CEP112: variants seen among roughly 807,000 people sequenced by gnomAD.
CEP112 encodes centrosomal protein 112.
A neutral mutation model predicts 153.0 loss-of-function variants in CEP112; 127 were observed. That is an observed-to-expected ratio of 0.83 (90% confidence interval 0.72 to 0.96). The LOEUF (loss-of-function observed/expected upper bound fraction) is 0.96. Ranked by LOEUF, CEP112 falls within the 40% of genes least tolerant of loss-of-function variation. CEP112 has a pLI of 0.00. For missense variants in CEP112, 1,089 were observed against 1,101.2 expected (o/e 0.99, Z 0.16); for synonymous variants, 358 against 374.4 (o/e 0.96, Z 0.51).
At chr17:66,113,860 T>C (rs1334654578) in intron 6 of CEP112, among the ~76,000 whole-genome samples, 1 of 152,208 alleles carries the variant, frequency 6.6e-6, no homozygotes, top group Non-Finnish European at 1.5e-5. Context: ...AAGCAATCTA[T>C]TTTCTGATTT....
rs1266508079 is a variant in CEP112, at chr17:66,192,022, C to G, written c.-34G>C. ...CTGGCACCACCACACGCAAGCTTTCCGCTCGGCCGCTGCCGCCAACGCCGC... is the reference window on the plus strand; with the variant it reads ...CTGGCACCACCACACGCAAGCTTTCGGCTCGGCCGCTGCCGCCAACGCCGC... On this transcript the variant is annotated 5_prime_UTR_variant, in exon 1 of 27. Coordinates refer to ENST00000535342, the MANE Select transcript of CEP112 (RefSeq NM_001199165.4). 1 of 154,256 alleles carries G rather than the reference C, an allele frequency of 6.5e-6. No homozygotes were observed. The highest frequency in any genetic ancestry group is 2.4e-5 in the African/African-American group (1 of 41,388). The allele number at this position is 154,256 out of a possible 1,614,324, so 9.6% of individuals were successfully genotyped here.
chr17:65,663,936 C>G (rs897311588), intron 24 of CEP112, among the ~76,000 whole-genome samples: 10 of 152,184 alleles, frequency 6.6e-5, no homozygotes, highest in Admixed American at 3.3e-4. Context: ...GTCCCAGCTA[C>G]TCGGCAGGCT....
intron 21 of CEP112, among the ~76,000 whole-genome samples, chr17:65,846,376 T>C (rs1311447048): frequency 6.6e-6 from 1 of 152,226 alleles, no homozygotes; most frequent in Non-Finnish European, 1.5e-5. Flanking sequence ...TTTAACTTAT[T>C]AAGTGATATG....
At position 65,970,429 on chromosome 17, in the gene CEP112, T is replaced by TCATGCATGTATATTACATGCAC. The variant is rs1568314167; in HGVS notation, c.1737-8832_1737-8831insGTGCATGTAATATACATGCATG. Among the ~76,000 whole-genome samples, 15 of 104,206 alleles carry TCATGCATGTATATTACATGCAC rather than the reference T, an allele frequency of 1.4e-4. 1 individual carries two copies. Among genetic ancestry groups the TCATGCATGTATATTACATGCAC allele is most frequent in the African/African-American group, 4.5e-4 (13 of 29,076 alleles). The allele number at this position is 104,206 out of a possible 152,430, so 68.4% of individuals were successfully genotyped here. On this transcript the variant is annotated intron_variant, in intron 17 of 26. Transcript: ENST00000535342. ...ACATCATGCATGTATATTACATGCA[T>TCATGCATGTATATTACATGCAC]GCACACATCATGCATGTATATTACA...
chr17:65,842,719 T>C (rs1196845994), intron 21 of CEP112, among the ~76,000 whole-genome samples: 2 of 152,072 alleles, frequency 1.3e-5, no homozygotes, highest in Non-Finnish European at 2.9e-5. Context: ...CCAGATAAAG[T>C]AGGAGAGCTG....
At chr17:65,964,960 G>GAACAT (rs1336740787) in intron 17 of CEP112, among the ~76,000 whole-genome samples, 1 of 151,976 alleles carries the variant, frequency 6.6e-6, no homozygotes, top group African/African-American at 2.4e-5. Context: ...TTTAATTATG[G>GAACAT]AACATTAAAT....
rs2067257064 is a variant in CEP112 at position 66,070,085 on chromosome 17, T to G, written c.769-84A>C. 2.5e-5 allele frequency: 18 copies of G among 722,010 alleles called. No individual in the cohort carries two copies. The South Asian group carries it at 2.5e-4, about 10-fold the overall frequency. 44.7% of individuals were successfully genotyped at this position (722,010 alleles called of 1,614,324 possible). ...ACAATTAAACTAAAATAATTCCCTA[T>G]AAAAAAGACAGTTATCATTTTCCAC... On this transcript the variant is annotated intron_variant, in intron 8 of 26. Coordinates refer to ENST00000535342, the MANE Select transcript of CEP112 (RefSeq NM_001199165.4).
At chr17:66,165,976 C>T (rs1187125833) in intron 4 of CEP112, among the ~76,000 whole-genome samples, 4 of 152,148 alleles carry the variant, frequency 2.6e-5, no homozygotes, top group Admixed American at 2.0e-4. Flanking sequence ...GATGTAAAAA[C>T]TATAGTCCTC....
At chr17:65,820,380 C>T (rs746794221) in intron 21 of CEP112, among the ~76,000 whole-genome samples, 1 of 151,928 alleles carries the variant, frequency 6.6e-6, no homozygotes, top group Non-Finnish European at 1.5e-5. Flanking sequence ...CTTTTTTTAC[C>T]TGTATTTCTC....
chr17:65,754,796 A>G (rs2052137497), intron 21 of CEP112, among the ~76,000 whole-genome samples: 2 of 152,140 alleles, frequency 1.3e-5, no homozygotes, highest in Admixed American at 6.6e-5. Context: ...ACTGAAACAG[A>G]GCCACTGAAG....
chr17:66,056,569 A>G (rs913205963), intron 11 of CEP112, among the ~76,000 whole-genome samples: 1 of 152,226 alleles, frequency 6.6e-6, no homozygotes, highest in Non-Finnish European at 1.5e-5. Flanking sequence ...TGATTGAACT[A>G]TTGATTCATG....
intron 21 of CEP112, among the ~76,000 whole-genome samples, chr17:65,810,288 G>A (rs936919620): frequency 6.6e-6 from 1 of 151,754 alleles, no homozygotes; most frequent in African/African-American, 2.4e-5. Context: ...CCTCCCTATT[G>A]CATCTCCCCT....
intron 20 of CEP112, among the ~76,000 whole-genome samples, chr17:65,900,983 T>G (rs2059826965): frequency 6.6e-6 from 1 of 152,220 alleles, no homozygotes; most frequent in Admixed American, 6.5e-5. Context: ...ATATTCATAT[T>G]GCATCAGTTA....
chr17:65,733,274 G>T (rs983114697), intron 23 of CEP112, among the ~76,000 whole-genome samples: 1 of 152,190 alleles, frequency 6.6e-6, no homozygotes, highest in Non-Finnish European at 1.5e-5. Context: ...CATGGGTGCA[G>T]TTTGTGGCAC....
At chr17:66,101,445 GA>G (rs544934523) in intron 6 of CEP112, among the ~76,000 whole-genome samples, 7 of 151,650 alleles carry the variant, frequency 4.6e-5, no homozygotes, top group Non-Finnish European at 8.8e-5. Context: ...AATCAAGAGG[GA>G]AAAAAAAGAT....
At chr17:66,177,061 A>C (rs754591092) in intron 2 of CEP112, 41 bp from the exon 3 acceptor site, 1 of 1,486,390 alleles carries the variant, frequency 6.7e-7, no homozygotes, top group Non-Finnish European at 9.1e-7. Context: ...TATTTTTTAT[A>C]AAATGAAACA....
intron 24 of CEP112, among the ~76,000 whole-genome samples, chr17:65,676,707 C>G (rs182301640): frequency 2.0e-5 from 3 of 152,164 alleles, no homozygotes; most frequent in Non-Finnish European, 2.9e-5. Context: ...TAAGAGTTCA[C>G]GCTGAGCTTC....
chr17:65,840,892 T>C (rs2057492310), intron 21 of CEP112, among the ~76,000 whole-genome samples: 1 of 151,950 alleles, frequency 6.6e-6, no homozygotes, highest in Non-Finnish European at 1.5e-5. Flanking sequence ...CAACAGGGCA[T>C]GTGAAAAAAA....
intron 19 of CEP112, among the ~76,000 whole-genome samples, chr17:65,905,553 G>A (rs2060039381): frequency 6.6e-6 from 1 of 152,168 alleles, no homozygotes; most frequent in Non-Finnish European, 1.5e-5. Context: ...AATTCCTCAA[G>A]AATCTAGAAA....
Sources: allele counts gnomAD v4.1 joint callset (sites outside exome capture counted in the v4.1 genomes callset), GRCh38; gene constraint gnomAD v4.1.1; transcripts MANE v1.5; gene names NCBI Gene and HGNC (gene_info 2026-07-23, HGNC 2026-07-21).